The following CNKSR3 variants were observed in gnomAD, a reference collection of about 807,000 sequenced individuals.
CNKSR3 encodes the protein CNKSR family member 3, also known as connector enhancer of kinase suppressor of ras 3.
In CNKSR3, 36 loss-of-function variants were observed where a neutral mutation model predicts 67.7. The observed-to-expected ratio is 0.53, with a 90% CI of 0.41 to 0.70. CNKSR3 has a LOEUF of 0.70. Ranked by LOEUF, CNKSR3 falls within the 30% of genes least tolerant of loss-of-function variation. The pLI is 0.00. For synonymous variants in CNKSR3, 281 were observed against 271.4 expected (o/e 1.04, Z -0.35); for missense variants, 630 against 695.2 (o/e 0.91, Z 1.05).
At chr6:154,504,441 G>A (rs564654812) in intron 1 of CNKSR3, among the ~76,000 whole-genome samples, 4 of 152,334 alleles carry the variant, frequency 2.6e-5, no homozygotes, top group African/African-American at 9.6e-5. Context: ...ATAAAAACAA[G>A]GAGTAGAAAT....
chr6:154,435,027 C>T (rs1022502275), intron 4 of CNKSR3, among the ~76,000 whole-genome samples: 5 of 147,864 alleles, frequency 3.4e-5, no homozygotes, highest in Non-Finnish European at 6.0e-5. Context: ...CAAGGTCTCA[C>T]TCTCTCGCCC....
intron 12 of CNKSR3, among the ~76,000 whole-genome samples, chr6:154,407,823 T>A (rs1372433169): frequency 7.5e-6 from 1 of 133,310 alleles, no homozygotes; most frequent in East Asian, 2.4e-4. Flanking sequence ...CTAAGTTTTC[T>A]AAATTTTAGA....
At chr6:154,494,093 T>C (rs978472006) in intron 1 of CNKSR3, among the ~76,000 whole-genome samples, 1 of 152,206 alleles carries the variant, frequency 6.6e-6, no homozygotes, top group Non-Finnish European at 1.5e-5. Flanking sequence ...CACACTGCTA[T>C]GACAACATAC....
In CNKSR3 at chr6:154,433,506, T is replaced by A. The variant is rs769596280; in HGVS notation, c.509A>T (p.Asp170Val). 126 of 1,587,930 alleles carry A rather than the reference T, an allele frequency of 7.9e-5. No homozygotes were observed. The highest frequency in any genetic ancestry group is 1.1e-4 in the Non-Finnish European group (122 of 1,161,688). The change falls in exon 5 of 13, where the codon GAT becomes GTT. Residue 170 changes from aspartate to valine, a missense_variant and splice_region_variant. Transcript: ENST00000607772. The part of the protein sequence containing the change: ...CLDLTTTVQK[D>V]CFVAEMEDKV... Reference sequence around the variant, plus strand: ...ATCCTCCATTTCCGCTACAAAGCAATCCTAAAGAAGGGGATGGAGAAAATG... The same window carrying A: ...ATCCTCCATTTCCGCTACAAAGCAAACCTAAAGAAGGGGATGGAGAAAATG...
intron 1 of CNKSR3, among the ~76,000 whole-genome samples, chr6:154,478,171 C>T (rs1423392677): frequency 6.6e-6 from 1 of 152,198 alleles, no homozygotes; most frequent in Non-Finnish European, 1.5e-5. Flanking sequence ...AAAGCTGGCC[C>T]GAGGCCTGCT....
intron 4 of CNKSR3, 114 bp from the exon 5 acceptor site, chr6:154,433,621 C>A (rs1193504389): frequency 2.7e-6 from 2 of 751,010 alleles, no homozygotes; most frequent in East Asian, 2.7e-5. Context: ...CTGACACACC[C>A]GTCAGCCTGC....
rs1485315102 is a variant in CNKSR3, at chr6:154,442,146, G to A, written c.361C>T (p.Leu121=). Residue 121 remains leucine, a synonymous_variant, in exon 3 of 13, where the codon CTG becomes TTG. Coordinates refer to ENST00000607772, the MANE Select transcript of CNKSR3 (RefSeq NM_173515.4). ...NTSRKAPNEF[L]TSVVELIGAA... is the part of the protein sequence containing the mutation. ...CCGATGAGCTCCACCACCGAGGTCA[G>A]GAACTCATTGGGGGCCTTGCGGGAG... 1 of 1,614,156 alleles carries A rather than the reference G, an allele frequency of 6.2e-7. No individual in the cohort carries two copies. Among genetic ancestry groups the A allele is most frequent in the South Asian group, 1.1e-5 (1 of 91,082 alleles).
chr6:154,445,021 T>G (rs1232698813), intron 2 of CNKSR3, among the ~76,000 whole-genome samples: 3 of 152,178 alleles, frequency 2.0e-5, no homozygotes, highest in African/African-American at 4.8e-5. Context: ...GAAACTTTTT[T>G]TTTTTTGCAA....
chr6:154,393,320 G>C lies in CNKSR3; in HGVS notation c.*13034C>G, dbSNP rs1784627474. 1 of 152,192 alleles carries C rather than the reference G, an allele frequency of 6.6e-6. No homozygotes were observed. Among genetic ancestry groups the C allele is most frequent in the South Asian group, 2.1e-4 (1 of 4,830 alleles). The allele number at this position is 152,192 out of a possible 1,614,324, so 9.4% of individuals were successfully genotyped here. On this transcript the variant is annotated 3_prime_UTR_variant, in exon 13 of 13. Transcript: ENST00000607772. The stretch of plus-strand genomic sequence containing the variant: ...TTAACCTCATACACATAATATACCA[G>C]ATCCCACTGATCGTTCTAGGATATC...
At chr6:154,435,516 C>A (rs778463811) in intron 4 of CNKSR3, among the ~76,000 whole-genome samples, 1 of 152,130 alleles carries the variant, frequency 6.6e-6, no homozygotes, top group Non-Finnish European at 1.5e-5. Context: ...AGGAGCTTCC[C>A]GCCTCCCAAA....
At position 154,406,026 on chromosome 6, in the gene CNKSR3, A is replaced by C; in HGVS notation, c.*328T>G. ...CAGCCCCTCAAAAAGGAACAATGCC[A>C]CCAGTCCCTCACAATGACCATAACG... On this transcript the variant is annotated 3_prime_UTR_variant, in exon 13 of 13. Coordinates refer to ENST00000607772, the MANE Select transcript of CNKSR3 (RefSeq NM_173515.4). The C allele has an allele frequency of 4.1e-6, 1 of 241,332 alleles. No homozygotes were observed. Among genetic ancestry groups the C allele is most frequent in the Non-Finnish European group, 8.1e-6 (1 of 124,140 alleles). 14.9% of individuals were successfully genotyped at this position (241,332 alleles called of 1,614,324 possible). A position where few individuals can be genotyped will look rare whatever the true frequency, so the allele number is the denominator to read the frequency against.
At chr6:154,412,507 T>C (rs997089565) in intron 10 of CNKSR3, among the ~76,000 whole-genome samples, 1 of 152,122 alleles carries the variant, frequency 6.6e-6, no homozygotes. Flanking sequence ...CAGTTTCTGA[T>C]AGAACAATCC....
At position 154,392,209 on chromosome 6, in the gene CNKSR3, C is replaced by CA. The variant is rs11435288; in HGVS notation, c.*14144dup. The CA allele has an allele frequency of 0.22, 30,260 of 135,678 alleles. 3,331 individuals carry two copies. The highest frequency in any genetic ancestry group is 0.4 in the East Asian group (1,885 of 4,756). 8.4% of individuals were successfully genotyped at this position (135,678 alleles called of 1,614,324 possible). A position where few individuals can be genotyped will look rare whatever the true frequency, so the allele number is the denominator to read the frequency against. ...TGGGCAACAGAGAGAGACTCCATCT[C>CA]AAAAAAAAAAAAAGAGTGTACCATT... On this transcript the variant is annotated 3_prime_UTR_variant, in exon 13 of 13. Transcript: ENST00000607772.
chr6:154,478,859 G>C (rs1786506890), intron 1 of CNKSR3, among the ~76,000 whole-genome samples: 5 of 152,194 alleles, frequency 3.3e-5, no homozygotes, highest in Admixed American at 3.3e-4. Flanking sequence ...TGCTGTGAAG[G>C]AAGAAACTCT....
chr6:154,438,926 A>T (rs1313639955), intron 4 of CNKSR3, among the ~76,000 whole-genome samples: 1 of 152,196 alleles, frequency 6.6e-6, no homozygotes. Flanking sequence ...TGTGACCAGG[A>T]CATGTACCTC....
chr6:154,456,145 C>T (rs1221948872), intron 1 of CNKSR3, among the ~76,000 whole-genome samples: 1 of 152,106 alleles, frequency 6.6e-6, no homozygotes. Context: ...TCCCACAGAC[C>T]ACACCTTCTG....
At chr6:154,484,603 G>A (rs1461421333) in intron 1 of CNKSR3, among the ~76,000 whole-genome samples, 1 of 151,060 alleles carries the variant, frequency 6.6e-6, no homozygotes, top group African/African-American at 2.4e-5. Flanking sequence ...TCAGGAGGCT[G>A]AGGCAGAAGA....
At chr6:154,407,863 T>C (rs1784828631) in intron 12 of CNKSR3, among the ~76,000 whole-genome samples, 1 of 110,230 alleles carries the variant, frequency 9.1e-6, no homozygotes, top group African/African-American at 3.5e-5. Flanking sequence ...TTTTCAAATT[T>C]TAGAATTTGA....
intron 1 of CNKSR3, among the ~76,000 whole-genome samples, chr6:154,498,819 G>A (rs1169179775): frequency 6.6e-6 from 1 of 152,230 alleles, no homozygotes; most frequent in African/African-American, 2.4e-5. Flanking sequence ...CAACATGTTT[G>A]TGACTCAGTA....
Sources: gnomAD v4.1 joint callset for allele counts (sites outside exome capture counted in the v4.1 genomes callset) on GRCh38, gnomAD v4.1.1 for gene constraint, MANE v1.5 for transcripts, NCBI Gene and HGNC (gene_info 2026-07-23, HGNC 2026-07-21) for gene names.